NKAIN3: variants seen among roughly 807,000 people sequenced by gnomAD.
NKAIN3 encodes the protein sodium/potassium-transporting ATPase subunit beta-1-interacting protein 3.
Under a neutral mutation model 30.2 loss-of-function variants are expected in NKAIN3, and 25 were observed. The ratio of observed to expected loss-of-function variants is 0.83; its 90% CI spans 0.60 to 1.16. The LOEUF (loss-of-function observed/expected upper bound fraction) is 1.16. NKAIN3 is among the 50% of genes most tolerant of loss of function. NKAIN3 has a pLI of 0.00. For missense variants in NKAIN3, 225 were observed against 254.1 expected (o/e 0.89, Z 0.78); for synonymous variants, 91 against 89.6 (o/e 1.02, Z -0.09).
chr8:62,383,082 TG>T (rs1817325279), intron 1 of NKAIN3, among the ~76,000 whole-genome samples: 1 of 152,084 alleles, frequency 6.6e-6, no homozygotes, highest in Admixed American at 6.6e-5. Context: ...ACATTGTGTT[TG>T]GGGGGAAGTA....
chr8:62,698,994 C>T (rs1327082479), intron 3 of NKAIN3, among the ~76,000 whole-genome samples: 1 of 152,020 alleles, frequency 6.6e-6, no homozygotes, highest in African/African-American at 2.4e-5. Flanking sequence ...AAGAATGAGT[C>T]CTGGACAATT....
chr8:62,550,427 G>C (rs980301107), intron 1 of NKAIN3, among the ~76,000 whole-genome samples: 3 of 152,226 alleles, frequency 2.0e-5, no homozygotes, highest in African/African-American at 7.2e-5. Flanking sequence ...GTGTGTGGTG[G>C]GGGAGGGAGT....
chr8:62,853,891 A>G (rs1306922026), intron 4 of NKAIN3, among the ~76,000 whole-genome samples: 1 of 152,172 alleles, frequency 6.6e-6, no homozygotes, highest in Non-Finnish European at 1.5e-5. Flanking sequence ...ACATGCTGGT[A>G]CATTGTATCT....
chr8:62,635,077 G>C (rs1410051691), intron 3 of NKAIN3, among the ~76,000 whole-genome samples: 1 of 152,094 alleles, frequency 6.6e-6, no homozygotes, highest in Non-Finnish European at 1.5e-5. Context: ...TGGGCATGAG[G>C]GAGGAAACAA....
rs187937837 is a variant in NKAIN3 at position 62,759,262 on chromosome 8, G to T, written c.471+12133G>T. On this transcript the variant is annotated intron_variant, in intron 4 of 6. Coordinates refer to ENST00000623646, the MANE Select transcript of NKAIN3 (RefSeq NM_001304533.3). ...GGTTGTTCTGGAGATCTAAATAAAG[G>T]ATTAGTCTTGAGTGTGAAAACTTGC... 5.2e-3 allele frequency among the ~76,000 whole-genome samples: 794 copies of T among 152,170 alleles called. 6 individuals carry two copies. The highest frequency in any genetic ancestry group is 0.018 in the African/African-American group (762 of 41,512).
chr8:62,620,191 G>A (rs1266429296), intron 3 of NKAIN3, among the ~76,000 whole-genome samples: 2 of 152,090 alleles, frequency 1.3e-5, no homozygotes, highest in Admixed American at 1.3e-4. Context: ...ACTTAGCAAG[G>A]CCAGTTCCTT....
intron 3 of NKAIN3, among the ~76,000 whole-genome samples, chr8:62,704,514 A>G (rs908728939): frequency 6.6e-6 from 1 of 152,152 alleles, no homozygotes; most frequent in Non-Finnish European, 1.5e-5. Flanking sequence ...CAAACGTCTA[A>G]CAATTCTTAG....
chr8:62,527,021 G>T (rs550959094), intron 1 of NKAIN3, among the ~76,000 whole-genome samples: 1 of 152,040 alleles, frequency 6.6e-6, no homozygotes, highest in Non-Finnish European at 1.5e-5. Flanking sequence ...TGTCTTTTCC[G>T]CATATTCTCA....
chr8:62,630,673 C>T (rs1316929512), intron 3 of NKAIN3, among the ~76,000 whole-genome samples: 1 of 152,098 alleles, frequency 6.6e-6, no homozygotes. Context: ...CTCATCACCC[C>T]CAAGTTCTGC....
chr8:62,656,696 A>G (rs774968071), intron 3 of NKAIN3, among the ~76,000 whole-genome samples: 5 of 152,136 alleles, frequency 3.3e-5, no homozygotes, highest in Admixed American at 1.3e-4. Context: ...TGGTTACTGT[A>G]AAATGTCTAG....
intron 3 of NKAIN3, among the ~76,000 whole-genome samples, chr8:62,721,049 A>G (rs891672515): frequency 6.6e-6 from 1 of 152,216 alleles, no homozygotes; most frequent in Non-Finnish European, 1.5e-5. Flanking sequence ...GGCAATAGCT[A>G]GGAAAATCTT....
chr8:62,531,757 T>C (rs917702171), intron 1 of NKAIN3, among the ~76,000 whole-genome samples: 9 of 152,198 alleles, frequency 5.9e-5, no homozygotes, highest in African/African-American at 2.2e-4. Flanking sequence ...AGTAACTAAC[T>C]GGGCACTCAC....
At chr8:62,853,617 T>C (rs931435823) in intron 4 of NKAIN3, among the ~76,000 whole-genome samples, 11 of 152,280 alleles carry the variant, frequency 7.2e-5, no homozygotes, top group African/African-American at 2.6e-4. Context: ...TTAGTCTAGC[T>C]ATCAGTCTAT....
At chr8:62,583,332 A>G (rs1325374739) in intron 2 of NKAIN3, among the ~76,000 whole-genome samples, 1 of 152,140 alleles carries the variant, frequency 6.6e-6, no homozygotes, top group South Asian at 2.1e-4. Flanking sequence ...ATCTTCAAAG[A>G]AAAGCATCAA....
At position 62,279,951 on chromosome 8, in the gene NKAIN3, A is replaced by G. The variant is rs183742748; in HGVS notation, c.54+30824A>G. ...TTGATGGGGATGGCATTGAATCTAT[A>G]AATTACCTTGGGCAGTATGGCCATT... is the stretch of plus-strand genomic sequence containing the variant. On this transcript the variant is annotated intron_variant, in intron 1 of 6. Coordinates refer to ENST00000623646, the MANE Select transcript of NKAIN3 (RefSeq NM_001304533.3). Among the ~76,000 whole-genome samples the G allele has an allele frequency of 3.3e-3, 504 of 152,286 alleles. 3 individuals carry two copies. The highest frequency in any genetic ancestry group is 5.7e-3 in the Non-Finnish European group (388 of 68,024).
At chr8:62,344,348 T>A (rs1289200553) in intron 1 of NKAIN3, among the ~76,000 whole-genome samples, 1 of 152,166 alleles carries the variant, frequency 6.6e-6, no homozygotes, top group Admixed American at 6.6e-5. Context: ...GCATAGTGCA[T>A]ACTACATTTC....
At chr8:62,737,450 T>G (rs1815710685) in intron 3 of NKAIN3, among the ~76,000 whole-genome samples, 1 of 152,216 alleles carries the variant, frequency 6.6e-6, no homozygotes, top group Non-Finnish European at 1.5e-5. Context: ...GAAAAACTGT[T>G]GCCATGACTT....
At chr8:62,266,272 A>G (rs578033843) in intron 1 of NKAIN3, among the ~76,000 whole-genome samples, 23 of 152,320 alleles carry the variant, frequency 1.5e-4, no homozygotes, top group African/African-American at 5.0e-4. Context: ...TAATTTGGGA[A>G]AGGAGTTATA....
chr8:62,415,883 G>A (rs367554988), intron 1 of NKAIN3, among the ~76,000 whole-genome samples: 1 of 151,706 alleles, frequency 6.6e-6, no homozygotes, highest in Non-Finnish European at 1.5e-5. Context: ...TCAGCCTCCC[G>A]AGTAGCTGGG....
Sources: gnomAD v4.1 joint callset for allele counts (sites outside exome capture counted in the v4.1 genomes callset) on GRCh38, gnomAD v4.1.1 for gene constraint, MANE v1.5 for transcripts, NCBI Gene and HGNC (gene_info 2026-07-23, HGNC 2026-07-21) for gene names.